The following PDP1 variants were observed in gnomAD, a reference collection of about 807,000 sequenced individuals.
PDP1 encodes pyruvate dehyrogenase phosphatase catalytic subunit 1.
Under a neutral mutation model 37.1 loss-of-function variants are expected in PDP1, and 14 were observed. That is an observed-to-expected ratio of 0.38 (90% CI 0.25 to 0.59). The LOEUF (loss-of-function observed/expected upper bound fraction) is 0.59. PDP1 is among the 20% of genes least tolerant of loss of function. PDP1 has a pLI of 0.67. For synonymous variants in PDP1, 251 were observed against 243.3 expected (o/e 1.03, Z -0.29); for missense variants, 544 against 655.3 (o/e 0.83, Z 1.85).
chr8:93,921,813 T>C (rs1181054647), intron 1 of PDP1: 2 of 511,892 alleles, frequency 3.9e-6, no homozygotes, highest in Non-Finnish European at 6.8e-6. Flanking sequence ...TCAGTCGTGG[T>C]TCCACGAATG....
Position 93,918,004 on chromosome 8 carries a change from G to A in PDP1, c.-45+925G>A. ...CCAGGAAGGATGGTGACAGATTTTT[G>A]TGTATGGATGGTTTTAGATGAATCA... On this transcript the variant is annotated intron_variant, in intron 1 of 1. Coordinates refer to ENST00000297598, the MANE Select transcript of PDP1 (RefSeq NM_018444.4). 1.9e-6 allele frequency: 3 copies of A among 1,589,200 alleles called. No individual in the cohort carries two copies. The South Asian group carries it at 3.3e-5, about 18-fold the overall frequency.
chr8:93,920,205 A>G (rs1036554903), intron 1 of PDP1, among the ~76,000 whole-genome samples: 1 of 152,224 alleles, frequency 6.6e-6, no homozygotes, highest in Non-Finnish European at 1.5e-5. Flanking sequence ...TGCTTATTAC[A>G]GAAACAAACA....
rs565937288 is a variant in PDP1, at chr8:93,920,938, A to G, written c.-44-1078A>G. On this transcript the variant is annotated intron_variant, in intron 1 of 1. Transcript: ENST00000297598. ...GGGGTTAATTCTACTTTGGATCCATAGTAGATGAAAATACTTCTATGGGTT... is the reference window on the plus strand; with the variant it reads ...GGGGTTAATTCTACTTTGGATCCATGGTAGATGAAAATACTTCTATGGGTT... 17 of 982,956 alleles carry G rather than the reference A, an allele frequency of 1.7e-5. No individual in the cohort carries two copies. In the South Asian group the frequency reaches 7.1e-4, roughly 41 times the overall value. The allele number at this position is 982,956 out of a possible 1,614,324, so 60.9% of individuals were successfully genotyped here.
chr8:93,917,512 CG>C (rs1407244945), intron 1 of PDP1, among the ~76,000 whole-genome samples: 2 of 151,442 alleles, frequency 1.3e-5, no homozygotes, highest in Admixed American at 1.3e-4. Flanking sequence ...ACCCCTGGGG[CG>C]GGGCCGGGCC....
Position 93,923,743 on chromosome 8 carries a change from A to T in PDP1, c.*70A>T. 8.5e-7 allele frequency: 1 copy of T among 1,179,998 alleles called. No homozygotes were observed. Among genetic ancestry groups the T allele is most frequent in the Admixed American group, 1.7e-5 (1 of 59,384 alleles). The allele number at this position is 1,179,998 out of a possible 1,614,324, so 73.1% of individuals were successfully genotyped here. A position where few individuals can be genotyped will look rare whatever the true frequency, so the allele number is the denominator to read the frequency against. ...AGGGCAGATTTTTTAAAAAGATACT[A>T]CTATAATAAACATTTCCAGTTGGTC... On this transcript the variant is annotated 3_prime_UTR_variant, in exon 2 of 2. Transcript: ENST00000297598. This position sits in a 1 kb window ranked among gnomAD's most constrained non-coding sequence, Gnocchi z 4.3.
intron 1 of PDP1, chr8:93,921,199 C>T: frequency 3.1e-6 from 3 of 973,332 alleles, no homozygotes; most frequent in Non-Finnish European, 2.4e-6. Flanking sequence ...CCTTAGATAG[C>T]ATCTGCTCTG....
At position 93,922,768 on chromosome 8, in the gene PDP1, A is replaced by G; in HGVS notation, c.709A>G (p.Ile237Val). 1 of 1,614,200 alleles carries G rather than the reference A, an allele frequency of 6.2e-7. No individual in the cohort carries two copies. The highest frequency in any genetic ancestry group is 8.5e-7 in the Non-Finnish European group (1 of 1,180,030). The change falls in exon 2 of 2, where the codon ATT (isoleucine) becomes GTT (valine). Residue 237 changes from isoleucine (I) to valine (V), a missense_variant. By Grantham distance (29) the Ile-to-Val change is conservative. Around this residue, in one of 5 missense-constraint regions of PDP1, gnomAD observed 342 missense variants for 414.0 expected, o/e 0.83. Transcript: ENST00000297598. The surrounding 1 kb of genome is among the most constrained non-coding windows in gnomAD (Gnocchi z 4.0). The part of the protein sequence containing the change: ...STDIDVKEAL[I>V]NAFKRLDNDI... ...TGATATTGATGTTAAGGAGGCTCTA[A>G]TTAATGCCTTCAAGAGGCTTGATAA...
In PDP1 at chr8:93,925,173, G is replaced by T. The variant is rs1810398324; in HGVS notation, c.*1500G>T. The T allele has an allele frequency of 6.0e-6, 1 of 167,028 alleles. No individual in the cohort carries two copies. Among genetic ancestry groups the T allele is most frequent in the East Asian group, 1.9e-4 (1 of 5,208 alleles). The allele number at this position is 167,028 out of a possible 1,614,324, so 10.3% of individuals were successfully genotyped here. On this transcript the variant is annotated 3_prime_UTR_variant, in exon 2 of 2. Transcript: ENST00000297598. ...CATTTTTTGGGGATATGAACTAGAT[G>T]TTCAAGAACTCCTTCTGGACTGTGG...
chr8:93,919,558 A>G (rs1159636473), intron 1 of PDP1, among the ~76,000 whole-genome samples: 1 of 138,104 alleles, frequency 7.2e-6, no homozygotes, highest in Non-Finnish European at 1.5e-5. Flanking sequence ...GGTTTCCAGG[A>G]CTTGTTATTC....
chr8:93,920,503 A>G (rs1810235731), intron 1 of PDP1: 1 of 934,360 alleles, frequency 1.1e-6, no homozygotes, highest in South Asian at 5.0e-5. Flanking sequence ...CAGGGAAAAT[A>G]TATGTTATTG....
chr8:93,922,717 A>G lies in PDP1; in HGVS notation c.658A>G (p.Ile220Val). Residue 220 changes from isoleucine (I) to valine (V), a missense_variant, in exon 2 of 2, where the codon ATA (isoleucine) becomes GTA (valine). Coordinates refer to ENST00000297598, the MANE Select transcript of PDP1 (RefSeq NM_018444.4). The surrounding 1 kb of genome is among the most constrained non-coding windows in gnomAD (Gnocchi z 4.0). ...CTTGAGGACTTACTGGCAAGAGCTT[A>G]TAGACCTCAACACTGGTGAGTCGAC... ...NSLRTYWQEL[I>V]DLNTGESTDI... The G allele has an allele frequency of 5.0e-6, 8 of 1,614,168 alleles. No homozygotes were observed. Among genetic ancestry groups the G allele is most frequent in the Non-Finnish European group, 6.8e-6 (8 of 1,179,980 alleles).
rs140224111 is a variant in PDP1, at chr8:93,922,839, C to T, written c.780C>T (p.Leu260=). 1.9e-6 allele frequency: 3 copies of T among 1,614,096 alleles called. No individual in the cohort carries two copies. The highest frequency in any genetic ancestry group is 1.3e-5 in the African/African-American group (1 of 74,914). Reference sequence around the variant, plus strand: ...AAGTTGGTGATCCTAATTCTTTTCTCAACTACCTGGTGCTTCGAGTGGCAT... The same window carrying T: ...AAGTTGGTGATCCTAATTCTTTTCTTAACTACCTGGTGCTTCGAGTGGCAT... ...EAQVGDPNSF[L]NYLVLRVAFS... Residue 260 remains leucine, a synonymous_variant, in exon 2 of 2, where the codon CTC becomes CTT. Transcript: ENST00000297598. The surrounding 1 kb of genome is among the most constrained non-coding windows in gnomAD (Gnocchi z 4.0).
At chr8:93,918,874 T>C (rs1215168185) in intron 1 of PDP1, 1 of 152,238 alleles carries the variant, frequency 6.6e-6, no homozygotes, top group Admixed American at 6.5e-5. Context: ...GGGTATCTGA[T>C]CTGATGGAGA....
At chr8:93,919,330 C>A (rs1485256571) in intron 1 of PDP1, among the ~76,000 whole-genome samples, 1 of 152,122 alleles carries the variant, frequency 6.6e-6, no homozygotes, top group Admixed American at 6.6e-5. Context: ...GAGTTCGAGA[C>A]CAACCTGACC....
intron 1 of PDP1, chr8:93,920,504 T>C (rs187552376): frequency 0.014 from 12,939 of 935,372 alleles, 109 homozygotes; most frequent in Non-Finnish European, 0.015. Flanking sequence ...AGGGAAAATA[T>C]ATGTTATTGA....
Position 93,924,421 on chromosome 8 carries a change from G to C in PDP1, c.*748G>C. ...TTATTTGTATTAATGAAAAGCTTTAGTTTAAAATAAGGAGATCCAGAATAA... is the reference window on the plus strand; with the variant it reads ...TTATTTGTATTAATGAAAAGCTTTACTTTAAAATAAGGAGATCCAGAATAA... On this transcript the variant is annotated 3_prime_UTR_variant, in exon 2 of 2. Transcript: ENST00000297598. 6.0e-6 allele frequency: 1 copy of C among 166,986 alleles called. No individual in the cohort carries two copies. The highest frequency in any genetic ancestry group is 1.9e-4 in the East Asian group (1 of 5,206). 10.3% of individuals were successfully genotyped at this position (166,986 alleles called of 1,614,324 possible). A position where few individuals can be genotyped will look rare whatever the true frequency, so the allele number is the denominator to read the frequency against.
Sources: allele counts gnomAD v4.1 joint callset (sites outside exome capture counted in the v4.1 genomes callset), GRCh38; gene constraint gnomAD v4.1.1; regional missense constraint gnomAD v4.1.1; non-coding constraint Gnocchi (gnomAD v3.1); transcripts MANE v1.5; gene names NCBI Gene and HGNC (gene_info 2026-07-23, HGNC 2026-07-21).